FAT3: variants seen among roughly 807,000 people sequenced by gnomAD.
FAT3 encodes the protein FAT atypical cadherin 3.
A neutral mutation model predicts 310.2 loss-of-function variants in FAT3; 95 were observed. The observed-to-expected ratio is 0.31, with a 90% CI of 0.26 to 0.36. The LOEUF is 0.36. Among genes scored for constraint, FAT3 ranks in the 10% least tolerant of loss-of-function variants. The pLI, the probability that FAT3 is intolerant of heterozygous loss-of-function variation, is 1.00. For synonymous variants in FAT3, 2,314 were observed against 2,192.9 expected, an observed-to-expected ratio of 1.06 and a Z score of -1.54; for missense variants, 5,408 against 5,715.6, an observed-to-expected ratio of 0.95 and a Z score of 1.74.
intron 2 of FAT3, among the ~76,000 whole-genome samples, chr11:92,359,103 G>A (rs1161868989): frequency 1.3e-5 from 2 of 152,110 alleles, no homozygotes; most frequent in African/African-American, 4.8e-5. Flanking sequence ...AGTAGGTCTG[G>A]AGTGGGAGCC....
At chr11:92,806,646 T>G in intron 12 of FAT3, 131 bp downstream of exon 12, 1 of 719,626 alleles carries the variant, frequency 1.4e-6, no homozygotes, top group Non-Finnish European at 2.2e-6. Context: ...AAATTTTCCC[T>G]TCCATCCTTT....
rs369958521 is a variant in FAT3 at position 92,812,203 on chromosome 11, G to A, written c.9481+2127G>A. Among the ~76,000 whole-genome samples the A allele has an allele frequency of 5.3e-5, 8 of 152,284 alleles. No homozygotes were observed. In the East Asian group the frequency reaches 1.4e-3, roughly 26 times the overall value. On this transcript the variant is annotated intron_variant, in intron 13 of 27. Transcript: ENST00000525166. ...GAGATTACAAACCAGTGTGAGCTGT[G>A]CACTAAGATTACCAGGTTGTTGAAG... is the stretch of plus-strand genomic sequence containing the variant.
At chr11:92,854,419 G>C (rs963926407) in intron 19 of FAT3, among the ~76,000 whole-genome samples, 5 of 152,130 alleles carry the variant, frequency 3.3e-5, no homozygotes, top group Non-Finnish European at 7.4e-5. Context: ...AGGGGGGTGG[G>C]GCTCCCACCA....
intron 3 of FAT3, among the ~76,000 whole-genome samples, chr11:92,532,506 C>T (rs1954116260): frequency 6.6e-6 from 1 of 152,146 alleles, no homozygotes; most frequent in Non-Finnish European, 1.5e-5. Context: ...TTCCCTCTGA[C>T]TCCAGGTTCT....
At chr11:92,545,303 C>T (rs181989347) in intron 3 of FAT3, among the ~76,000 whole-genome samples, 2 of 152,242 alleles carry the variant, frequency 1.3e-5, no homozygotes, top group South Asian at 2.1e-4. Flanking sequence ...TTCTTTTTAT[C>T]GCTCATCACT....
At chr11:92,547,748 G>T (rs1954661175) in intron 3 of FAT3, among the ~76,000 whole-genome samples, 1 of 152,132 alleles carries the variant, frequency 6.6e-6, no homozygotes, top group African/African-American at 2.4e-5. Flanking sequence ...TGGGTAGTAT[G>T]AGGCACGGGC....
chr11:92,465,794 A>G (rs1951744449), intron 2 of FAT3, among the ~76,000 whole-genome samples: 1 of 152,140 alleles, frequency 6.6e-6, no homozygotes, highest in Non-Finnish European at 1.5e-5. Flanking sequence ...GCACACCAAC[A>G]TGGCACATGT....
intron 3 of FAT3, among the ~76,000 whole-genome samples, chr11:92,572,583 T>C (rs549555033): frequency 6.6e-6 from 1 of 152,332 alleles, no homozygotes; most frequent in Admixed American, 6.5e-5. Context: ...TAGCAATGCA[T>C]TATTATAATC....
chr11:92,754,045 G>A (rs190799436), intron 4 of FAT3, among the ~76,000 whole-genome samples: 11 of 151,856 alleles, frequency 7.2e-5, no homozygotes, highest in Admixed American at 6.6e-4. Flanking sequence ...TACTGCTCAG[G>A]TGAGGGGTGC....
chr11:92,400,198 A>G (rs1174085848), intron 2 of FAT3: 1 of 152,176 alleles, frequency 6.6e-6, no homozygotes, highest in South Asian at 2.1e-4. Flanking sequence ...GCATAATTTC[A>G]TCAGGTATTT....
chr11:92,685,681 C>T (rs1424716530), intron 3 of FAT3, among the ~76,000 whole-genome samples: 1 of 151,602 alleles, frequency 6.6e-6, no homozygotes, highest in East Asian at 1.9e-4. Context: ...AGGCCCTGTG[C>T]TAAGCACAAA....
At chr11:92,769,067 T>C (rs1389508127) in intron 6 of FAT3, among the ~76,000 whole-genome samples, 1 of 152,194 alleles carries the variant, frequency 6.6e-6, no homozygotes, top group East Asian at 1.9e-4. Context: ...TTTCTTTGTC[T>C]CCCACCATGA....
intron 3 of FAT3, among the ~76,000 whole-genome samples, chr11:92,586,787 C>A (rs1281950540): frequency 6.6e-6 from 1 of 151,932 alleles, no homozygotes; most frequent in Admixed American, 6.6e-5. Flanking sequence ...GGGGAACATA[C>A]TTTCATGCAT....
At chr11:92,621,427 T>A (rs772033726) in intron 3 of FAT3, among the ~76,000 whole-genome samples, 73 of 152,192 alleles carry the variant, frequency 4.8e-4, no homozygotes, top group Non-Finnish European at 5.9e-4. Context: ...AGGCTTGTAT[T>A]TCATCCCCAG....
chr11:92,690,103 G>C (rs1943756719), intron 3 of FAT3, among the ~76,000 whole-genome samples: 1 of 152,194 alleles, frequency 6.6e-6, no homozygotes, highest in Admixed American at 6.5e-5. Flanking sequence ...ACCTGTAGCG[G>C]CTACAGAATC....
intron 1 of FAT3, among the ~76,000 whole-genome samples, chr11:92,273,457 T>A (rs1406239706): frequency 6.6e-6 from 1 of 152,102 alleles, no homozygotes; most frequent in East Asian, 1.9e-4. Flanking sequence ...TGAAGTGCAA[T>A]AAAAGGAAAT....
chr11:92,414,752 TGTAATCC>T (rs1471701948), intron 2 of FAT3, among the ~76,000 whole-genome samples: 2 of 152,234 alleles, frequency 1.3e-5, no homozygotes, highest in African/African-American at 4.8e-5. Flanking sequence ...GGCTCATGCC[TGTAATCC>T]CAGCACTTTG....
At chr11:92,585,125 T>A (rs1939063978) in intron 3 of FAT3, among the ~76,000 whole-genome samples, 1 of 152,062 alleles carries the variant, frequency 6.6e-6, no homozygotes, top group African/African-American at 2.4e-5. Flanking sequence ...TGCAAATTCT[T>A]GATAACCAAG....
chr11:92,571,900 T>G (rs570792375), intron 3 of FAT3, among the ~76,000 whole-genome samples: 10 of 152,244 alleles, frequency 6.6e-5, no homozygotes, highest in Admixed American at 3.3e-4. Context: ...CATTCAGGGA[T>G]GTAGCGTTTT....
Sources: gnomAD v4.1 joint callset for allele counts (sites outside exome capture counted in the v4.1 genomes callset) on GRCh38, gnomAD v4.1.1 for gene constraint, MANE v1.5 for transcripts, NCBI Gene and HGNC (gene_info 2026-07-23, HGNC 2026-07-21) for gene names.